The following SLCO1B3 variants were observed in gnomAD, a reference collection of about 807,000 sequenced individuals.
SLCO1B3 encodes solute carrier organic anion transporter family member 1B3, also known as liver-specific organic anion transporter 2.
A neutral mutation model predicts 71.8 loss-of-function variants in SLCO1B3; 72 were observed. The observed-to-expected ratio is 1.00, with a 90% CI of 0.83 to 1.22. The LOEUF is 1.22. SLCO1B3 is among the 50% of genes most tolerant of loss of function. The pLI, the probability that SLCO1B3 is intolerant of heterozygous loss-of-function variation, is 0.00. For missense variants in SLCO1B3, 911 were observed against 819.7 expected (o/e 1.11, Z -1.36); for synonymous variants, 298 against 278.4 (o/e 1.07, Z -0.70).
intron 3 of SLCO1B3, among the ~76,000 whole-genome samples, chr12:20,832,582 T>G (rs1864567845): frequency 6.6e-6 from 1 of 152,154 alleles, no homozygotes; most frequent in African/African-American, 2.4e-5. Context: ...TCCACATATG[T>G]AACTGCCACC....
intron 15 of SLCO1B3, among the ~76,000 whole-genome samples, chr12:20,912,288 A>G (rs1183008986): frequency 6.7e-6 from 1 of 149,290 alleles, no homozygotes; most frequent in Non-Finnish European, 1.5e-5. Context: ...AATTTCTTCT[A>G]TTTTATTTTT....
chr12:20,872,944 A>G (rs945999643), intron 8 of SLCO1B3, among the ~76,000 whole-genome samples: 11 of 152,182 alleles, frequency 7.2e-5, no homozygotes, highest in African/African-American at 2.4e-4. Context: ...CCAAACATCT[A>G]TCTTTGTCTT....
At chr12:20,834,022 T>C (rs1318466719) in intron 3 of SLCO1B3, among the ~76,000 whole-genome samples, 2 of 145,724 alleles carry the variant, frequency 1.4e-5, no homozygotes, top group Non-Finnish European at 3.0e-5. Context: ...ATATGTATTA[T>C]ATTTATATAT....
At chr12:20,869,296 A>C (rs925841789) in intron 8 of SLCO1B3, among the ~76,000 whole-genome samples, 1 of 152,232 alleles carries the variant, frequency 6.6e-6, no homozygotes, top group African/African-American at 2.4e-5. Context: ...CTGTGTGGGC[A>C]TAACAGAAGG....
intron 15 of SLCO1B3, among the ~76,000 whole-genome samples, chr12:20,913,234 A>C (rs1377809844): frequency 6.6e-6 from 1 of 152,124 alleles, no homozygotes; most frequent in Non-Finnish European, 1.5e-5. Flanking sequence ...TCCACTTAAC[A>C]TTGTCCATAG....
At chr12:20,887,992 C>T (rs1865825321) in intron 13 of SLCO1B3, among the ~76,000 whole-genome samples, 1 of 151,978 alleles carries the variant, frequency 6.6e-6, no homozygotes, top group Non-Finnish European at 1.5e-5. Flanking sequence ...GTCCTTTCCT[C>T]ACTGTATATG....
chr12:20,857,361 CTT>C (rs1389357440), intron 4 of SLCO1B3, among the ~76,000 whole-genome samples: 4 of 152,002 alleles, frequency 2.6e-5, no homozygotes, highest in Middle Eastern at 3.4e-3. Context: ...GTATTTTATT[CTT>C]TCTTTTCTTC....
chr12:20,844,777 C>G (rs1225614724), intron 3 of SLCO1B3, among the ~76,000 whole-genome samples: 7 of 151,942 alleles, frequency 4.6e-5, no homozygotes, highest in Non-Finnish European at 1.0e-4. Context: ...TGCCTGTAAT[C>G]CCAGCACTTT....
chr12:20,892,476 A>G (rs1193408820), intron 13 of SLCO1B3, among the ~76,000 whole-genome samples: 1 of 152,160 alleles, frequency 6.6e-6, no homozygotes, highest in East Asian at 1.9e-4. Context: ...GTAGAGATGA[A>G]GGAAACTGAC....
At chr12:20,836,736 G>C (rs576504315) in intron 3 of SLCO1B3, among the ~76,000 whole-genome samples, 14 of 152,070 alleles carry the variant, frequency 9.2e-5, no homozygotes, top group East Asian at 5.8e-4. Context: ...CTGCCTCCCT[G>C]GTTCATGCCA....
chr12:20,817,512 G>C (rs1013566479), intron 3 of SLCO1B3, among the ~76,000 whole-genome samples: 1 of 152,054 alleles, frequency 6.6e-6, no homozygotes, highest in Admixed American at 6.5e-5. Context: ...TTTGTTTCTG[G>C]GTTCTCTATT....
rs570713538 is a variant in SLCO1B3 at position 20,842,497 on chromosome 12, T to C, written c.85-12531T>C. Among the ~76,000 whole-genome samples the C allele has an allele frequency of 1.3e-3, 89 of 69,152 alleles. 1 individual carries two copies. In the East Asian group the frequency reaches 0.031, roughly 24 times the overall value. 45.4% of individuals were successfully genotyped at this position (69,152 alleles called of 152,430 possible). A position where few individuals can be genotyped will look rare whatever the true frequency, so the allele number is the denominator to read the frequency against. The stretch of plus-strand genomic sequence containing the variant: ...CTATTTGGGCTATTATTTATACAGC[T>C]ACAAGTTTTTTTTTAATTGCTTCTT... On this transcript the variant is annotated intron_variant, in intron 3 of 15. Transcript: ENST00000381545.
chr12:20,901,386 T>C lies in SLCO1B3; in HGVS notation c.1784T>C (p.Ile595Thr), dbSNP rs1471099707. 9 of 1,592,312 alleles carry C rather than the reference T, an allele frequency of 5.7e-6. No homozygotes were observed. In the East Asian group the frequency reaches 2.1e-4, roughly 36 times the overall value. ...ILAPIYFGAL[I>T]DKTCMKWSTN... ...GCTCCAATATATTTTGGGGCTCTGA[T>C]TGATAAAACATGTATGAAGTGGTCC... The change falls in exon 15 of 16, where the codon ATT becomes ACT. Residue 595 changes from isoleucine to threonine, a missense_variant. Ile to Thr is a moderately conservative substitution (Grantham distance 89). Coordinates refer to ENST00000381545, the MANE Select transcript of SLCO1B3 (RefSeq NM_019844.4).
At chr12:20,815,436 A>G (rs539697373) in intron 2 of SLCO1B3, among the ~76,000 whole-genome samples, 2 of 152,232 alleles carry the variant, frequency 1.3e-5, no homozygotes, top group South Asian at 2.1e-4. Context: ...ACTTGTTTCA[A>G]ATTTCTCTCT....
intron 8 of SLCO1B3, among the ~76,000 whole-genome samples, chr12:20,865,704 A>C (rs2121263728): frequency 6.6e-6 from 1 of 152,270 alleles, no homozygotes; most frequent in South Asian, 2.1e-4. Flanking sequence ...AGAGAAAATT[A>C]GTTATATTGT....
chr12:20,895,718 G>C (rs536868833), intron 13 of SLCO1B3, among the ~76,000 whole-genome samples: 12 of 152,252 alleles, frequency 7.9e-5, no homozygotes, highest in Admixed American at 2.0e-4. Flanking sequence ...CTGGAGGATG[G>C]TGACCCTCTT....
intron 3 of SLCO1B3, among the ~76,000 whole-genome samples, chr12:20,829,108 C>A (rs183533352): frequency 1.3e-5 from 2 of 152,010 alleles, no homozygotes; most frequent in Admixed American, 6.6e-5. Context: ...TCAAACCTAA[C>A]GGGAAAAAGA....
intron 8 of SLCO1B3, among the ~76,000 whole-genome samples, chr12:20,869,053 A>G (rs1041851337): frequency 2.6e-5 from 4 of 152,198 alleles, no homozygotes; most frequent in South Asian, 4.2e-4. Context: ...TCACAGGGAG[A>G]TGGTTAGGCC....
intron 13 of SLCO1B3, among the ~76,000 whole-genome samples, chr12:20,894,053 A>G (rs577817585): frequency 6.6e-6 from 1 of 152,236 alleles, no homozygotes; most frequent in Non-Finnish European, 1.5e-5. Context: ...TTAGGGTTTC[A>G]TTAGGTCTAA....
Sources: gnomAD v4.1 joint callset for allele counts (sites outside exome capture counted in the v4.1 genomes callset) on GRCh38, gnomAD v4.1.1 for gene constraint, MANE v1.5 for transcripts, NCBI Gene and HGNC (gene_info 2026-07-23, HGNC 2026-07-21) for gene names.